Variants in LRRC43 observed in about 807,000 individuals in gnomAD.
LRRC43 encodes the protein leucine-rich repeat-containing protein 43.
LRRC43 carries 62 observed loss-of-function variants against 64.3 expected under a neutral mutation model. The observed-to-expected ratio is 0.96, with a 90% CI of 0.79 to 1.19. The LOEUF is 1.19. Among genes scored for constraint, LRRC43 ranks in the 50% most tolerant of loss-of-function variants. The pLI, the probability that LRRC43 is intolerant of heterozygous loss-of-function variation, is 0.00. For missense variants in LRRC43, 868 were observed against 845.0 expected (o/e 1.03, Z -0.34); for synonymous variants, 422 against 382.3 (o/e 1.10, Z -1.21).
intron 1 of LRRC43, among the ~76,000 whole-genome samples, chr12:122,168,226 A>C (rs1314923236): frequency 6.7e-6 from 1 of 150,254 alleles, no homozygotes; most frequent in Non-Finnish European, 1.5e-5. Context: ...GGATCACTCA[A>C]GGTCAGGAGT....
At position 122,200,161 on chromosome 12, in the gene LRRC43, C is replaced by T. The variant is rs367695763; in HGVS notation, c.1350-28C>T. The T allele has an allele frequency of 1.2e-6, 2 of 1,607,250 alleles. No individual in the cohort carries two copies. Among genetic ancestry groups the T allele is most frequent in the Admixed American group, 3.4e-5 (2 of 59,248 alleles). On this transcript the variant is annotated intron_variant, in intron 7 of 11. Coordinates refer to ENST00000339777, the MANE Select transcript of LRRC43 (RefSeq NM_001098519.2). The surrounding 1 kb of genome is among the most constrained non-coding windows in gnomAD (Gnocchi z 4.6). The stretch of plus-strand genomic sequence containing the variant: ...TGGCCACAGCCCCTGGGTGACGGCA[C>T]CCCCGTCTTCATCCCTCCCTCCCCA...
At chr12:122,182,423 G>C (rs999458227), upstream of LRRC43, among the ~76,000 whole-genome samples, 3 of 150,638 alleles carry the variant, frequency 2.0e-5, no homozygotes, top group African/African-American at 4.9e-5. Flanking sequence ...TCGGGAGGCT[G>C]AGGCAGGAGA....
intron 3 of LRRC43, chr12:122,187,417 G>A (rs1953657450): frequency 2.9e-6 from 1 of 344,952 alleles, no homozygotes; most frequent in Non-Finnish European, 5.4e-6. Context: ...CCTATGGGTT[G>A]AGAAGGTGCC....
intron 1 of LRRC43, among the ~76,000 whole-genome samples, chr12:122,177,438 C>T (rs1458347021): frequency 6.6e-6 from 1 of 151,558 alleles, no homozygotes; most frequent in African/African-American, 2.4e-5. Context: ...CTATCCATGG[C>T]ATGCTAGACT....
Position 122,190,156 on chromosome 12 carries a change from G to A in LRRC43, c.689G>A (p.Gly230Asp), listed in dbSNP as rs553810521. 6.2e-7 allele frequency: 1 copy of A among 1,614,098 alleles called. No individual in the cohort carries two copies. Among genetic ancestry groups the A allele is most frequent in the South Asian group, 1.1e-5 (1 of 91,078 alleles). The part of the protein sequence containing the change: ...HWPNLVSLDL[G>D]FNDLTDLQSM... ...CCCAACCTCGTCTCCCTGGACCTGG[G>A]CTTCAACGACCTGACAGACCTGCAG... The change falls in exon 5 of 12, where the codon GGC (glycine) becomes GAC (aspartate). Residue 230 changes from glycine (G) to aspartate (D), a missense_variant. Gly to Asp is a moderately conservative substitution (Grantham distance 94). Transcript: ENST00000339777.
upstream of LRRC43, among the ~76,000 whole-genome samples, chr12:122,180,944 G>T (rs1953575726): frequency 6.6e-6 from 1 of 152,116 alleles, no homozygotes; most frequent in South Asian, 2.1e-4. Flanking sequence ...AGCCAGGCAT[G>T]GTGGCTCACG....
upstream of LRRC43, among the ~76,000 whole-genome samples, chr12:122,182,563 C>T (rs1332188201): frequency 7.7e-6 from 1 of 129,314 alleles, no homozygotes; most frequent in African/African-American, 3.0e-5. Flanking sequence ...AGTGGTCATG[C>T]GCGCCTGTAA....
intron 4 of LRRC43, chr12:122,189,349 G>A: frequency 2.2e-6 from 1 of 450,686 alleles, no homozygotes; most frequent in Admixed American, 2.4e-5. Context: ...GGACGCAGCA[G>A]GGAAGGGAAG....
chr12:122,199,769 A>T (rs1953813551), intron 7 of LRRC43, among the ~76,000 whole-genome samples: 1 of 151,972 alleles, frequency 6.6e-6, no homozygotes, highest in Non-Finnish European at 1.5e-5. Flanking sequence ...TTTTTTGTAG[A>T]AACGGGGTCT....
chr12:122,170,485 G>A (rs535692004), intron 1 of LRRC43, among the ~76,000 whole-genome samples: 1 of 152,216 alleles, frequency 6.6e-6, no homozygotes, highest in African/African-American at 2.4e-5. Context: ...CAAAAAATTA[G>A]CCGGGCGTGG....
chr12:122,189,934 G>A, intron 4 of LRRC43, 196 bp from the exon 5 acceptor site: 1 of 649,980 alleles, frequency 1.5e-6, no homozygotes. Flanking sequence ...GGGTGGCAGT[G>A]CTACGGAGAG....
At chr12:122,196,964 G>A (rs1458561862) in intron 7 of LRRC43, among the ~76,000 whole-genome samples, 1 of 152,094 alleles carries the variant, frequency 6.6e-6, no homozygotes, top group Non-Finnish European at 1.5e-5. Context: ...TCAGAGACAC[G>A]AAGAACAGCG....
At chr12:122,190,560 G>C (rs902939203) in intron 5 of LRRC43, among the ~76,000 whole-genome samples, 192 bp downstream of exon 5, 1 of 152,074 alleles carries the variant, frequency 6.6e-6, no homozygotes, top group South Asian at 2.1e-4. Flanking sequence ...TTGGGATTTG[G>C]AGACAGAAGT....
upstream of LRRC43, among the ~76,000 whole-genome samples, chr12:122,182,825 C>A (rs762849210): frequency 3.2e-4 from 48 of 152,282 alleles, no homozygotes; most frequent in Middle Eastern, 3.4e-3. Flanking sequence ...TGGTTGGAGT[C>A]GAGATGTTTG....
chr12:122,172,525 T>C (rs369925968), intron 1 of LRRC43: 56 of 1,614,078 alleles, frequency 3.5e-5, no homozygotes, highest in Non-Finnish European at 4.7e-5. Context: ...TGGGTGTCTG[T>C]TGGCACAGAA....
intron 2 of LRRC43, 149 bp from the exon 3 acceptor site, chr12:122,186,041 G>A: frequency 6.4e-6 from 4 of 628,486 alleles, no homozygotes; most frequent in Non-Finnish European, 1.1e-5. Context: ...GAGCGATGCA[G>A]TGCAGGAACG....
intron 1 of LRRC43, chr12:122,173,931 C>T (rs557327465): frequency 1.4e-5 from 22 of 1,614,136 alleles, no homozygotes; most frequent in African/African-American, 2.7e-5. Flanking sequence ...GGACGGGCAA[C>T]GTGTGGGAGG....
chr12:122,198,382 A>G (rs937504901), intron 7 of LRRC43, among the ~76,000 whole-genome samples: 3 of 152,106 alleles, frequency 2.0e-5, no homozygotes, highest in African/African-American at 4.8e-5. Flanking sequence ...ACCACAGTCT[A>G]ATTCCAGAAC....
At chr12:122,199,879 C>T (rs970290213) in intron 7 of LRRC43, among the ~76,000 whole-genome samples, 3 of 152,246 alleles carry the variant, frequency 2.0e-5, no homozygotes, top group Non-Finnish European at 4.4e-5. Flanking sequence ...CCACCACGCT[C>T]AGCCCTTTGC....
Sources: gnomAD v4.1 joint callset for allele counts (sites outside exome capture counted in the v4.1 genomes callset) on GRCh38, gnomAD v4.1.1 for gene constraint, Gnocchi (gnomAD v3.1) non-coding constraint, MANE v1.5 for transcripts, NCBI Gene and HGNC (gene_info 2026-07-23, HGNC 2026-07-21) for gene names.